The following TLN2 variants were observed in gnomAD, a reference collection of about 807,000 sequenced individuals.
The protein encoded by TLN2 is talin 2.
TLN2 carries 118 observed loss-of-function variants against 294.7 expected under a neutral mutation model. The observed-to-expected ratio is 0.40, with a 90% CI of 0.34 to 0.47. TLN2 has a LOEUF of 0.47. TLN2 is among the 20% of genes least tolerant of loss of function. The probability of loss-of-function intolerance (pLI) is 0.84; values close to 1 mark genes in which losing one functional copy is unlikely to be tolerated. For missense variants in TLN2, 3,083 were observed against 3,282.2 expected, an observed-to-expected ratio of 0.94 and a Z score of 1.48; for synonymous variants, 1,431 against 1,304.5, an observed-to-expected ratio of 1.10 and a Z score of -2.09.
chr15:62,427,258 G>A (rs1263585866), intron 1 of TLN2, among the ~76,000 whole-genome samples: 1 of 152,168 alleles, frequency 6.6e-6, no homozygotes, highest in African/African-American at 2.4e-5. Context: ...GGAGGGCTGG[G>A]ATAGTGTGTG....
intron 1 of TLN2, among the ~76,000 whole-genome samples, chr15:62,434,152 A>T (rs1273443655): frequency 6.6e-6 from 1 of 152,188 alleles, no homozygotes; most frequent in Non-Finnish European, 1.5e-5. Flanking sequence ...CAATCCATCC[A>T]CTAAAAACTA....
chr15:62,688,562 T>G lies in TLN2; in HGVS notation c.1113+1766T>G, dbSNP rs1596732721. 3.9e-5 allele frequency among the ~76,000 whole-genome samples: 6 copies of G among 152,130 alleles called. No individual in the cohort carries two copies. The East Asian group carries it at 1.2e-3, about 29-fold the overall frequency. Reference sequence around the variant, plus strand: ...GTTCCAGTCTTTTGAATGAATATCTTTGTTAATTTTCTGCCTGGCAGTTTT... The same window carrying G: ...GTTCCAGTCTTTTGAATGAATATCTGTGTTAATTTTCTGCCTGGCAGTTTT... On this transcript the variant is annotated intron_variant, in intron 12 of 58. Coordinates refer to ENST00000636159, the MANE Select transcript of TLN2 (RefSeq NM_015059.3).
intron 54 of TLN2, among the ~76,000 whole-genome samples, chr15:62,825,417 G>C (rs1404079838): frequency 3.3e-5 from 5 of 152,054 alleles, no homozygotes; most frequent in Non-Finnish European, 7.4e-5. Flanking sequence ...CATGTTCTCT[G>C]TAGTGATTAA....
chr15:62,531,104 A>G (rs1398152194), intron 1 of TLN2, among the ~76,000 whole-genome samples: 1 of 152,244 alleles, frequency 6.6e-6, no homozygotes. Flanking sequence ...ATTTGAAGTC[A>G]GTTTATGGAG....
intron 41 of TLN2, among the ~76,000 whole-genome samples, chr15:62,769,536 A>G (rs1447989813): frequency 5.3e-5 from 8 of 152,370 alleles, no homozygotes; most frequent in Non-Finnish European, 8.8e-5. Flanking sequence ...TAAGATAACC[A>G]TAGAGGAAAT....
At chr15:62,668,307 T>TA in intron 9 of TLN2, among the ~76,000 whole-genome samples, 1 of 152,320 alleles carries the variant, frequency 6.6e-6, no homozygotes, top group East Asian at 1.9e-4. Context: ...CACTATATAT[T>TA]ATATGAAAAC....
chr15:62,423,142 C>G (rs2034508907), intron 1 of TLN2, among the ~76,000 whole-genome samples: 1 of 152,128 alleles, frequency 6.6e-6, no homozygotes, highest in Admixed American at 6.6e-5. Context: ...GCCTGTAATC[C>G]CAGCACTTTG....
intron 37 of TLN2, among the ~76,000 whole-genome samples, chr15:62,758,234 A>T (rs1203300307): frequency 1.3e-5 from 2 of 152,104 alleles, no homozygotes; most frequent in Admixed American, 6.5e-5. Context: ...CATCGGCATC[A>T]GTCACTACTG....
At chr15:62,649,308 G>T (rs1361617702) in intron 4 of TLN2, among the ~76,000 whole-genome samples, 1 of 151,386 alleles carries the variant, frequency 6.6e-6, no homozygotes, top group Non-Finnish European at 1.5e-5. Context: ...TTTGGTGGGG[G>T]TGGGGAGCTT....
intron 52 of TLN2, among the ~76,000 whole-genome samples, chr15:62,817,607 G>GT (rs1303690231): frequency 6.6e-6 from 1 of 152,058 alleles, no homozygotes; most frequent in South Asian, 2.1e-4. Flanking sequence ...CCTCTCATCG[G>GT]TTTTTTTCTA....
chr15:62,624,337 T>G (rs1009932290), intron 3 of TLN2, among the ~76,000 whole-genome samples: 3 of 152,206 alleles, frequency 2.0e-5, no homozygotes, highest in Non-Finnish European at 4.4e-5. Flanking sequence ...CTGCCAGAAG[T>G]TCCCTGCTTC....
intron 1 of TLN2, among the ~76,000 whole-genome samples, chr15:62,404,598 C>G (rs146372914): frequency 2.0e-5 from 3 of 152,146 alleles, no homozygotes; most frequent in Non-Finnish European, 4.4e-5. Context: ...ATTTGCATTG[C>G]TTCAATATAG....
At chr15:62,462,752 G>A (rs886429459) in intron 1 of TLN2, among the ~76,000 whole-genome samples, 4 of 152,208 alleles carry the variant, frequency 2.6e-5, no homozygotes, top group Admixed American at 6.5e-5. Flanking sequence ...AACCAGTGTG[G>A]TGTGAGGCTC....
chr15:62,527,344 G>C (rs2040798666), intron 1 of TLN2, among the ~76,000 whole-genome samples: 1 of 152,070 alleles, frequency 6.6e-6, no homozygotes, highest in South Asian at 2.1e-4. Context: ...GTATTGCTGA[G>C]GCTGGGGATA....
intron 21 of TLN2, among the ~76,000 whole-genome samples, chr15:62,710,316 A>T (rs1003058784): frequency 1.3e-5 from 2 of 152,160 alleles, no homozygotes; most frequent in Non-Finnish European, 2.9e-5. Flanking sequence ...AAGGACCCAC[A>T]ATTTGCAACC....
intron 9 of TLN2, among the ~76,000 whole-genome samples, chr15:62,667,407 G>A (rs1346246699): frequency 6.6e-6 from 1 of 152,092 alleles, no homozygotes; most frequent in African/African-American, 2.4e-5. Context: ...CAGGATCCTG[G>A]GTGTTCCAGC....
intron 2 of TLN2, among the ~76,000 whole-genome samples, chr15:62,616,820 C>T (rs1378967945): frequency 6.6e-6 from 1 of 152,138 alleles, no homozygotes; most frequent in Non-Finnish European, 1.5e-5. Flanking sequence ...TTTTTAAAAA[C>T]CTAGTTTGAA....
At chr15:62,557,015 C>CTCTCCGTTG (rs2042642794) in intron 1 of TLN2, among the ~76,000 whole-genome samples, 1 of 152,152 alleles carries the variant, frequency 6.6e-6, no homozygotes, top group Admixed American at 6.5e-5. Context: ...TGATCAAAAA[C>CTCTCCGTTG]AGATTCTCAT....
At chr15:62,636,462 G>C (rs1486505797) in intron 3 of TLN2, among the ~76,000 whole-genome samples, 2 of 152,088 alleles carry the variant, frequency 1.3e-5, no homozygotes, top group African/African-American at 4.8e-5. Context: ...CAGGTTTCTT[G>C]GTTTGTTTCA....
Sources: allele counts gnomAD v4.1 joint callset (sites outside exome capture counted in the v4.1 genomes callset), GRCh38; gene constraint gnomAD v4.1.1; transcripts MANE v1.5; gene names NCBI Gene and HGNC (gene_info 2026-07-23, HGNC 2026-07-21).